The following XYLT1 variants were observed in gnomAD, a reference collection of about 807,000 sequenced individuals.
The protein encoded by XYLT1 is beta-D-xylosyltransferase 1.
In XYLT1, 36 loss-of-function variants were observed where a neutral mutation model predicts 91.3. The observed-to-expected ratio is 0.39, with a 90% CI of 0.30 to 0.52. The LOEUF (loss-of-function observed/expected upper bound fraction) is 0.52. XYLT1 is among the 20% of genes least tolerant of loss of function. XYLT1 has a pLI of 0.68. For missense variants in XYLT1, 1,242 were observed against 1,284.5 expected (o/e 0.97, Z 0.51); for synonymous variants, 588 against 532.0 (o/e 1.11, Z -1.45).
chr16:17,299,868 C>A (rs1231838520), intron 2 of XYLT1, among the ~76,000 whole-genome samples: 1 of 152,122 alleles, frequency 6.6e-6, no homozygotes, highest in Non-Finnish European at 1.5e-5. Context: ...ACATGAAGGA[C>A]CCAGGATAAG....
rs1226672574 is a variant in XYLT1 at position 17,105,717 on chromosome 16, C to G, written c.*2978G>C. Reference sequence around the variant, plus strand: ...TCCAGGGACCTCGTCACTGGCTCAGCTCACAGCTGCAGGCTGTAATAGGTT... The same window carrying G: ...TCCAGGGACCTCGTCACTGGCTCAGGTCACAGCTGCAGGCTGTAATAGGTT... On this transcript the variant is annotated 3_prime_UTR_variant, in exon 12 of 12. Transcript: ENST00000261381. 6.6e-6 allele frequency: 1 copy of G among 152,258 alleles called. No individual in the cohort carries two copies. Among genetic ancestry groups the G allele is most frequent in the African/African-American group, 2.4e-5 (1 of 41,452 alleles). The allele number at this position is 152,258 out of a possible 1,614,324, so 9.4% of individuals were successfully genotyped here. A position where few individuals can be genotyped will look rare whatever the true frequency, so the allele number is the denominator to read the frequency against.
rs1597137103 is a variant in XYLT1 at position 17,127,706 on chromosome 16, G to A, written c.2183C>T (p.Ala728Val). 1 of 1,614,170 alleles carries A rather than the reference G, an allele frequency of 6.2e-7. No homozygotes were observed. The highest frequency in any genetic ancestry group is 1.1e-5 in the South Asian group (1 of 91,082). The change falls in exon 10 of 12, where the codon GCA becomes GTA. Residue 728 changes from alanine (A) to valine (V), a missense_variant. By Grantham distance (64) the Ala-to-Val change is moderately conservative. This residue lies in a region of XYLT1 where 511 missense variants were observed against 497.0 expected (regional missense o/e 1.03). Transcript: ENST00000261381. The part of the protein sequence containing the change: ...WVMPKKVFKI[A>V]SPPSDFGRLQ... ...CCTCCCAAAGTCACTGGGTGGGCTT[G>A]CGATCTTGAAGACTTTTTTCGGCAT...
At chr16:17,439,314 C>G (rs1040632326) in intron 1 of XYLT1, among the ~76,000 whole-genome samples, 1 of 152,070 alleles carries the variant, frequency 6.6e-6, no homozygotes, top group Non-Finnish European at 1.5e-5. Context: ...ACAAAGTTGA[C>G]GGACAGATGG....
chr16:17,214,263 A>T (rs2032814993), intron 3 of XYLT1, among the ~76,000 whole-genome samples: 1 of 152,228 alleles, frequency 6.6e-6, no homozygotes, highest in Admixed American at 6.5e-5. Context: ...TCGTTTTGAA[A>T]TCGGACAGAT....
In XYLT1 at chr16:17,139,835, G is replaced by A. The variant is rs577513621; in HGVS notation, c.1588-1304C>T. Among the ~76,000 whole-genome samples the A allele has an allele frequency of 3.9e-5, 6 of 152,330 alleles. No homozygotes were observed. In the South Asian group the frequency reaches 1.2e-3, roughly 32 times the overall value. ...GATTACTTAACATGTGTGCAGAATA[G>A]TAAAACCTGGCCCAGTGATGACAAG... is the stretch of plus-strand genomic sequence containing the variant. On this transcript the variant is annotated intron_variant, in intron 7 of 11. Coordinates refer to ENST00000261381, the MANE Select transcript of XYLT1 (RefSeq NM_022166.4).
chr16:17,297,732 A>G (rs957187253), intron 2 of XYLT1, among the ~76,000 whole-genome samples: 19 of 152,034 alleles, frequency 1.2e-4, no homozygotes, highest in Non-Finnish European at 2.5e-4. Context: ...CTATAAAACA[A>G]AACAAAAGGC....
intron 1 of XYLT1, among the ~76,000 whole-genome samples, chr16:17,378,817 G>A (rs545860549): frequency 2.6e-5 from 4 of 152,290 alleles, no homozygotes; most frequent in Admixed American, 6.5e-5. Flanking sequence ...TGACTCTCAA[G>A]TCCAAGCTCT....
At chr16:17,144,991 C>T (rs1597150795) in intron 6 of XYLT1, among the ~76,000 whole-genome samples, 1 of 152,128 alleles carries the variant, frequency 6.6e-6, no homozygotes, top group Non-Finnish European at 1.5e-5. Context: ...TTCATCAGCC[C>T]CCAAAAGAAA....
At chr16:17,258,273 G>A (rs1304163540) in intron 3 of XYLT1, among the ~76,000 whole-genome samples, 2 of 146,188 alleles carry the variant, frequency 1.4e-5, no homozygotes, top group African/African-American at 5.1e-5. Flanking sequence ...TAGAAGGGAA[G>A]AAAGAAAATA....
intron 3 of XYLT1, among the ~76,000 whole-genome samples, chr16:17,212,651 C>T (rs1228666038): frequency 6.6e-6 from 1 of 152,096 alleles, no homozygotes; most frequent in Non-Finnish European, 1.5e-5. Flanking sequence ...AGGACATTTT[C>T]CTGCTCACTG....
chr16:17,267,476 C>CG (rs2033823795), intron 2 of XYLT1, among the ~76,000 whole-genome samples: 1 of 152,210 alleles, frequency 6.6e-6, no homozygotes, highest in African/African-American at 2.4e-5. Context: ...GGTGCGATCA[C>CG]GCTCATCGCA....
At chr16:17,350,824 G>A (rs192896474) in intron 2 of XYLT1, among the ~76,000 whole-genome samples, 1 of 152,238 alleles carries the variant, frequency 6.6e-6, no homozygotes, top group Admixed American at 6.5e-5. Context: ...GAACGGAGAG[G>A]AGACAGCAAT....
intron 3 of XYLT1, among the ~76,000 whole-genome samples, chr16:17,214,658 C>T (rs761530176): frequency 1.1e-4 from 16 of 152,130 alleles, no homozygotes; most frequent in South Asian, 2.1e-4. Flanking sequence ...CTCATGCACA[C>T]GCCACAAGAG....
At chr16:17,443,370 G>T (rs2036554778) in intron 1 of XYLT1, among the ~76,000 whole-genome samples, 1 of 152,182 alleles carries the variant, frequency 6.6e-6, no homozygotes, top group Non-Finnish European at 1.5e-5. Flanking sequence ...GACCTGGTGG[G>T]AAGTGATTGG....
At chr16:17,319,955 C>T (rs1304607142) in intron 2 of XYLT1, among the ~76,000 whole-genome samples, 2 of 152,158 alleles carry the variant, frequency 1.3e-5, no homozygotes, top group African/African-American at 2.4e-5. Flanking sequence ...CCATGCTAAG[C>T]GCCAGGCAGT....
chr16:17,422,332 G>A (rs1396282620), intron 1 of XYLT1, among the ~76,000 whole-genome samples: 1 of 151,746 alleles, frequency 6.6e-6, no homozygotes, highest in African/African-American at 2.4e-5. Context: ...GAGTGGCTGC[G>A]ACTACAGGTG....
chr16:17,293,788 C>T (rs1326706490), intron 2 of XYLT1, among the ~76,000 whole-genome samples: 2 of 152,158 alleles, frequency 1.3e-5, no homozygotes, highest in African/African-American at 4.8e-5. Context: ...CACGCCCGGC[C>T]AGAATCTCTC....
chr16:17,343,135 C>T (rs1400777309), intron 2 of XYLT1, among the ~76,000 whole-genome samples: 1 of 152,202 alleles, frequency 6.6e-6, no homozygotes, highest in Non-Finnish European at 1.5e-5. Flanking sequence ...ACACAGGACC[C>T]TTTCACAGAG....
At chr16:17,176,631 T>C (rs1207650064) in intron 5 of XYLT1, among the ~76,000 whole-genome samples, 1 of 152,156 alleles carries the variant, frequency 6.6e-6, no homozygotes, top group Non-Finnish European at 1.5e-5. Context: ...ACAGGGTCTC[T>C]CCAGGAAACC....
Sources: gnomAD v4.1 joint callset for allele counts (sites outside exome capture counted in the v4.1 genomes callset) on GRCh38, gnomAD v4.1.1 for gene constraint, gnomAD v4.1.1 regional missense constraint, MANE v1.5 for transcripts, NCBI Gene and HGNC (gene_info 2026-07-23, HGNC 2026-07-21) for gene names.